DDAH2: variants seen among roughly 807,000 people sequenced by gnomAD.
DDAH2 encodes the protein DDAH family member 2, ADMA-independent.
DDAH2 carries 8 observed loss-of-function variants against 24.8 expected under a neutral mutation model. The ratio of observed to expected loss-of-function variants is 0.32; its 90% confidence interval spans 0.19 to 0.58. The LOEUF is 0.58. DDAH2 is among the 20% of genes least tolerant of loss of function. The pLI is 0.87. For missense variants in DDAH2, 281 were observed against 379.0 expected, an observed-to-expected ratio of 0.74 and a Z score of 2.15; for synonymous variants, 151 against 166.1, an observed-to-expected ratio of 0.91 and a Z score of 0.70.
rs1311525139 is a variant in DDAH2 at position 31,728,225 on chromosome 6, C to G, written c.539G>C (p.Gly180Ala). 1.9e-6 allele frequency: 3 copies of G among 1,612,692 alleles called. No homozygotes were observed. Residue 180 changes from glycine to alanine, a missense_variant, in exon 4 of 6, where the codon GGA becomes GCA. Physicochemically the swap from Gly to Ala is moderately conservative, Grantham distance 60. Coordinates refer to ENST00000375789, the MANE Select transcript of DDAH2 (RefSeq NM_001303007.2). The surrounding 1 kb of genome is among the most constrained non-coding windows in gnomAD (Gnocchi z 9.8). ...GCTGCCTGCCACAACAGTGCGAGGT[C>G]CCCCCATGCCGCAGAGACCGCGCAG... Reference protein sequence around the residue: ...SHLRGLCGMGGPRTVVAGSSD... With the variant: ...SHLRGLCGMGAPRTVVAGSSD...
At position 31,728,713 on chromosome 6, in the gene DDAH2, C is replaced by T. The variant is rs1280187151; in HGVS notation, c.330G>A (p.Leu110=). The T allele has an allele frequency of 3.7e-6, 6 of 1,613,028 alleles. No individual in the cohort carries two copies. The Middle Eastern group carries it at 4.9e-4, about 133-fold the overall frequency. ...CTCCTATTTCCACAATTCGGAGCCC[C>T]AGGTCTTGCAGGGCTTTGCGGACTC... ...VDGVRKALQD[L]GLRIVEIGDE... is the part of the protein sequence containing the mutation. Residue 110 remains leucine, a synonymous_variant, in exon 2 of 6, where the codon CTG becomes CTA. Coordinates refer to ENST00000375789, the MANE Select transcript of DDAH2 (RefSeq NM_001303007.2). The surrounding 1 kb of genome is among the most constrained non-coding windows in gnomAD (Gnocchi z 9.8).
At position 31,728,675 on chromosome 6, in the gene DDAH2, G is replaced by T; in HGVS notation, c.368C>A (p.Thr123Lys). 1 of 1,612,986 alleles carries T rather than the reference G, an allele frequency of 6.2e-7. No individual in the cohort carries two copies. The highest frequency in any genetic ancestry group is 8.5e-7 in the Non-Finnish European group (1 of 1,179,998). ...GAAGAGAACGTCAGTGCCATCCAGC[G>T]TCGCGTTCTCGTCTCCTATTTCCAC... ...RIVEIGDENA[T>K]LDGTDVLFTG... The change falls in exon 2 of 6, where the codon ACG becomes AAG. Residue 123 changes from threonine to lysine, a missense_variant. By Grantham distance (78) the Thr-to-Lys change is moderately conservative. Transcript: ENST00000375789. The surrounding 1 kb of genome is among the most constrained non-coding windows in gnomAD (Gnocchi z 9.8).
chr6:31,728,647 G>A lies in DDAH2; in HGVS notation c.396C>T (p.Thr132=), dbSNP rs1190545010. ...ATLDGTDVLF[T]GREFFVGLSK... The stretch of plus-strand genomic sequence containing the variant: ...ACCTATGCCTCCCCCCAGCCTCACC[G>A]GTGAAGAGAACGTCAGTGCCATCCA... Residue 132 remains threonine, a splice_region_variant and synonymous_variant, in exon 2 of 6, where the codon ACC becomes ACT. Coordinates refer to ENST00000375789, the MANE Select transcript of DDAH2 (RefSeq NM_001303007.2). This position sits in a 1 kb window ranked among gnomAD's most constrained non-coding sequence, Gnocchi z 9.8. 1 of 1,612,788 alleles carries A rather than the reference G, an allele frequency of 6.2e-7. No individual in the cohort carries two copies. Among genetic ancestry groups the A allele is most frequent in the Non-Finnish European group, 8.5e-7 (1 of 1,179,922 alleles).
Position 31,729,206 on chromosome 6 carries a change from TTTC to T in DDAH2, c.-48_-46del. ...CCTCCAACCGCTCGGATTTCTTAGT[TTTC>T]TTGTTTCTTCACCTGTCTGGGAGAA... On this transcript the variant is annotated 5_prime_UTR_variant, in exon 1 of 6. Coordinates refer to ENST00000375789, the MANE Select transcript of DDAH2 (RefSeq NM_001303007.2). The surrounding 1 kb of genome is among the most constrained non-coding windows in gnomAD (Gnocchi z 6.7). The T allele has an allele frequency of 7.0e-7, 1 of 1,419,314 alleles. No individual in the cohort carries two copies. Among genetic ancestry groups the T allele is most frequent in the South Asian group, 1.3e-5 (1 of 77,534 alleles). 87.9% of individuals were successfully genotyped at this position (1,419,314 alleles called of 1,614,324 possible).
At position 31,728,683 on chromosome 6, in the gene DDAH2, C is replaced by G; in HGVS notation, c.360G>C (p.Glu120Asp). The G allele has an allele frequency of 1.2e-6, 2 of 1,613,090 alleles. No individual in the cohort carries two copies. Among genetic ancestry groups the G allele is most frequent in the East Asian group, 2.2e-5 (1 of 44,882 alleles). Residue 120 changes from glutamate (E) to aspartate (D), a missense_variant, in exon 2 of 6, where the codon GAG (glutamate) becomes GAC (aspartate). By Grantham distance (45) the Glu-to-Asp change is conservative. Coordinates refer to ENST00000375789, the MANE Select transcript of DDAH2 (RefSeq NM_001303007.2). This position sits in a 1 kb window ranked among gnomAD's most constrained non-coding sequence, Gnocchi z 9.8. ...LGLRIVEIGD[E>D]NATLDGTDVL... Reference sequence around the variant, plus strand: ...CGTCAGTGCCATCCAGCGTCGCGTTCTCGTCTCCTATTTCCACAATTCGGA... The same window carrying G: ...CGTCAGTGCCATCCAGCGTCGCGTTGTCGTCTCCTATTTCCACAATTCGGA...
At position 31,729,059 on chromosome 6, in the gene DDAH2, C is replaced by T; in HGVS notation, c.103G>A (p.Ala35Thr). The change falls in exon 1 of 6, where the codon GCT (alanine) becomes ACT (threonine). Residue 35 changes from alanine to threonine, a missense_variant. Transcript: ENST00000375789. This position sits in a 1 kb window ranked among gnomAD's most constrained non-coding sequence, Gnocchi z 6.7. ...SGEGAGAGLP[A>T]LDLAKAQREH... is the part of the protein sequence containing the mutation. Reference sequence around the variant, plus strand: ...CTTTGAGCTTTGGCCAGATCCAGAGCGGGAAGGCCAGCCCCCGCACCTTCC... The same window carrying T: ...CTTTGAGCTTTGGCCAGATCCAGAGTGGGAAGGCCAGCCCCCGCACCTTCC... 6.2e-7 allele frequency: 1 copy of T among 1,613,022 alleles called. No individual in the cohort carries two copies. Among genetic ancestry groups the T allele is most frequent in the Non-Finnish European group, 8.5e-7 (1 of 1,180,012 alleles).
rs1807662420 is a variant in DDAH2 at position 31,729,239 on chromosome 6, C to T, written c.-78G>A. ...TTCTTCACCTGTCTGGGAGAAGAAACAGAAAAGGAGGAGACAGAGAAAAAG... is the reference window on the plus strand; with the variant it reads ...TTCTTCACCTGTCTGGGAGAAGAAATAGAAAAGGAGGAGACAGAGAAAAAG... On this transcript the variant is annotated 5_prime_UTR_variant, in exon 1 of 6. Coordinates refer to ENST00000375789, the MANE Select transcript of DDAH2 (RefSeq NM_001303007.2). This position sits in a 1 kb window ranked among gnomAD's most constrained non-coding sequence, Gnocchi z 6.7. The T allele has an allele frequency of 8.0e-7, 1 of 1,244,178 alleles. No individual in the cohort carries two copies. Among genetic ancestry groups the T allele is most frequent in the South Asian group, 1.4e-5 (1 of 70,984 alleles). The allele number at this position is 1,244,178 out of a possible 1,614,324, so 77.1% of individuals were successfully genotyped here.
Position 31,727,588 on chromosome 6 carries a change from A to AG in DDAH2, c.695dup (p.Leu234ProfsTer21). 6.2e-7 allele frequency: 1 copy of AG among 1,613,068 alleles called. No homozygotes were observed. Among genetic ancestry groups the AG allele is most frequent in the Non-Finnish European group, 8.5e-7 (1 of 1,180,016 alleles). On this transcript the variant is annotated frameshift_variant, in exon 5 of 6. Transcript: ENST00000375789. LOFTEE classifies it high-confidence loss of function. This position sits in a 1 kb window ranked among gnomAD's most constrained non-coding sequence, Gnocchi z 6.0. ...CCCCACCTCCACGGTGCAGGAGGAA[A>AG]GGGGGCACACCAGGCAACCCAGGAC...
At position 31,728,070 on chromosome 6, in the gene DDAH2, C is replaced by G; in HGVS notation, c.591+103G>C. ...GTGTTCTTTCATGTAAGATGGACAG[C>G]CCATTGAGGGCAGGGGTTAGGGCTA... is the stretch of plus-strand genomic sequence containing the variant. On this transcript the variant is annotated intron_variant, in intron 4 of 5. Coordinates refer to ENST00000375789, the MANE Select transcript of DDAH2 (RefSeq NM_001303007.2). This position sits in a 1 kb window ranked among gnomAD's most constrained non-coding sequence, Gnocchi z 9.8. 7.4e-7 allele frequency: 1 copy of G among 1,350,826 alleles called. No homozygotes were observed. The highest frequency in any genetic ancestry group is 1.0e-6 in the Non-Finnish European group (1 of 980,122). 83.7% of individuals were successfully genotyped at this position (1,350,826 alleles called of 1,614,324 possible).
At position 31,727,750 on chromosome 6, in the gene DDAH2, C is replaced by T; in HGVS notation, c.592-58G>A. 1 of 1,521,436 alleles carries T rather than the reference C, an allele frequency of 6.6e-7. No individual in the cohort carries two copies. Among genetic ancestry groups the T allele is most frequent in the Non-Finnish European group, 8.8e-7 (1 of 1,131,810 alleles). The allele number at this position is 1,521,436 out of a possible 1,614,324, so 94.2% of individuals were successfully genotyped here. Reference sequence around the variant, plus strand: ...ACCTCTCCACAGCTGTGTCTGCCTGCTCAACCACCACTAAGGGCTGGGGAC... The same window carrying T: ...ACCTCTCCACAGCTGTGTCTGCCTGTTCAACCACCACTAAGGGCTGGGGAC... On this transcript the variant is annotated intron_variant, in intron 4 of 5. Transcript: ENST00000375789. The surrounding 1 kb of genome is among the most constrained non-coding windows in gnomAD (Gnocchi z 6.0).
chr6:31,730,183 G>C (rs942036811), upstream of DDAH2: 1 of 153,446 alleles, frequency 6.5e-6, no homozygotes, highest in Non-Finnish European at 1.5e-5. This position sits in a 1 kb window ranked among gnomAD's most constrained non-coding sequence, Gnocchi z 5.1. Context: ...TTTAGCGCGG[G>C]TCCTTGTGTA....
Position 31,728,505 on chromosome 6 carries a change from G to A in DDAH2, c.417C>T (p.Gly139=), listed in dbSNP as rs1419649036. 1.9e-6 allele frequency: 3 copies of A among 1,612,682 alleles called. No individual in the cohort carries two copies. Among genetic ancestry groups the A allele is most frequent in the Admixed American group, 1.7e-5 (1 of 59,984 alleles). The part of the protein sequence containing the change: ...VLFTGREFFV[G]LSKWTNHRGA... ...CTCGGTGATTGGTCCATTTGGAGAG[G>A]CCTACGAAAAACTCCCGGCCTGAGT... The change falls in exon 3 of 6, where the codon GGC becomes GGT. Residue 139 remains glycine, a synonymous_variant. Coordinates refer to ENST00000375789, the MANE Select transcript of DDAH2 (RefSeq NM_001303007.2). This position sits in a 1 kb window ranked among gnomAD's most constrained non-coding sequence, Gnocchi z 9.8.
rs771700334 is a variant in DDAH2, at chr6:31,728,441, C to G, written c.471+10G>C. 2 of 1,612,604 alleles carry G rather than the reference C, an allele frequency of 1.2e-6. No individual in the cohort carries two copies. The highest frequency in any genetic ancestry group is 2.2e-5 in the East Asian group (1 of 44,846). ...ACCCCCTCCCTCCCTAGGCTGGTCC[C>G]GCTCCGCACCCGGAACGTGTCCGCC... On this transcript the variant is annotated intron_variant, in intron 3 of 5. Transcript: ENST00000375789. The surrounding 1 kb of genome is among the most constrained non-coding windows in gnomAD (Gnocchi z 9.8).
Position 31,728,913 on chromosome 6 carries a change from CCCTT to C in DDAH2, c.245_248del (p.Gln82ArgfsTer5). 1 of 1,613,114 alleles carries C rather than the reference CCCTT, an allele frequency of 6.2e-7. No individual in the cohort carries two copies. Among genetic ancestry groups the C allele is most frequent in the African/African-American group, 1.3e-5 (1 of 75,074 alleles). ...AGGGCCGCGTGATTAGGGCCGTGTC[CCCTT>C]GGATCACGGCCGTGTCGCCAAGCAG... On this transcript the variant is annotated frameshift_variant, in exon 1 of 6. Coordinates refer to ENST00000375789, the MANE Select transcript of DDAH2 (RefSeq NM_001303007.2). LOFTEE classifies it high-confidence loss of function. This position sits in a 1 kb window ranked among gnomAD's most constrained non-coding sequence, Gnocchi z 9.8.
In DDAH2 at chr6:31,729,151, G is replaced by T; in HGVS notation, c.11C>A (p.Pro4Gln). 1.2e-6 allele frequency: 2 copies of T among 1,606,016 alleles called. No homozygotes were observed. The highest frequency in any genetic ancestry group is 1.7e-6 in the Non-Finnish European group (2 of 1,175,180). ...GGAGCAGCGGCCCAGCCCCTCCCCC[G>T]GCGTCCCCATCCCATCCACACAGAC... is the stretch of plus-strand genomic sequence containing the variant. Reference protein sequence around the residue: MGTPGEGLGRCSHA... With the variant: MGTQGEGLGRCSHA... The change falls in exon 1 of 6, where the codon CCG becomes CAG. Residue 4 changes from proline (P) to glutamine (Q), a missense_variant. Coordinates refer to ENST00000375789, the MANE Select transcript of DDAH2 (RefSeq NM_001303007.2). The surrounding 1 kb of genome is among the most constrained non-coding windows in gnomAD (Gnocchi z 6.7).
rs1351416571 is a variant in DDAH2, at chr6:31,728,987, G to A, written c.175C>T (p.Gln59Ter). 6.2e-7 allele frequency: 1 copy of A among 1,613,112 alleles called. No homozygotes were observed. Among genetic ancestry groups the A allele is most frequent in the Admixed American group, 1.7e-5 (1 of 60,034 alleles). The change falls in exon 1 of 6, where the codon CAG becomes TAG. Residue 59 changes from glutamine to a stop codon, truncating the protein, a stop_gained. Coordinates refer to ENST00000375789, the MANE Select transcript of DDAH2 (RefSeq NM_001303007.2). LOFTEE classifies it high-confidence loss of function. The surrounding 1 kb of genome is among the most constrained non-coding windows in gnomAD (Gnocchi z 9.8). ...GGKLRQRLGL[Q>*]LLELPPEESL... ...TCCTCAGGTGGCAGTTCTAGCAGCT[G>A]TAGCCCCAGTCGTTGCCTCAGTTTA...
At position 31,727,370 on chromosome 6, in the gene DDAH2, T is replaced by G; in HGVS notation, c.742-17A>C. Reference sequence around the variant, plus strand: ...CTGCAGTGCCTGCACAGGGAAGACATGGAGTGGGGAGAGGGGAGTGAGACC... The same window carrying G: ...CTGCAGTGCCTGCACAGGGAAGACAGGGAGTGGGGAGAGGGGAGTGAGACC... On this transcript the variant is annotated splice_polypyrimidine_tract_variant and intron_variant, in intron 5 of 5. Coordinates refer to ENST00000375789, the MANE Select transcript of DDAH2 (RefSeq NM_001303007.2). This position sits in a 1 kb window ranked among gnomAD's most constrained non-coding sequence, Gnocchi z 6.0. 1 of 1,607,176 alleles carries G rather than the reference T, an allele frequency of 6.2e-7. No homozygotes were observed. Among genetic ancestry groups the G allele is most frequent in the Non-Finnish European group, 8.5e-7 (1 of 1,175,396 alleles).
chr6:31,729,567 A>C, upstream of DDAH2: 2 of 212,968 alleles, frequency 9.4e-6, no homozygotes, highest in South Asian at 9.8e-5. This position sits in a 1 kb window ranked among gnomAD's most constrained non-coding sequence, Gnocchi z 6.7. Flanking sequence ...CGCCCCCTTA[A>C]CCCTCAGCTG....
upstream of DDAH2, chr6:31,729,415 T>C (rs752554559): frequency 3.9e-4 from 215 of 546,816 alleles, 1 homozygote; most frequent in Middle Eastern, 4.7e-3. The surrounding 1 kb of genome is among the most constrained non-coding windows in gnomAD (Gnocchi z 6.7). Flanking sequence ...TCAGATTCTT[T>C]AAGAGGAGCC....
Sources: allele counts gnomAD v4.1 joint callset, GRCh38; gene constraint gnomAD v4.1.1; non-coding constraint Gnocchi (gnomAD v3.1); transcripts MANE v1.5; gene names NCBI Gene and HGNC (gene_info 2026-07-23, HGNC 2026-07-21).